AHCYL1: variants seen among roughly 807,000 people sequenced by gnomAD.
AHCYL1 encodes S-adenosylhomocysteine hydrolase-like protein 1.
A neutral mutation model predicts 79.3 loss-of-function variants in AHCYL1; 20 were observed. The ratio of observed to expected loss-of-function variants is 0.25; its 90% CI spans 0.18 to 0.37. The LOEUF is 0.37. Ranked by LOEUF, AHCYL1 falls within the 10% of genes least tolerant of loss-of-function variation. The probability of loss-of-function intolerance (pLI) is 1.00; values close to 1 mark genes in which losing one functional copy is unlikely to be tolerated. For missense variants in AHCYL1, 330 were observed against 673.6 expected (o/e 0.49, Z 5.65); for synonymous variants, 223 against 242.2 (o/e 0.92, Z 0.74).
Position 110,021,959 on chromosome 1 carries a change from G to A in AHCYL1, c.*279G>A, listed in dbSNP as rs1042479758. 1 of 398,666 alleles carries A rather than the reference G, an allele frequency of 2.5e-6. No individual in the cohort carries two copies. The highest frequency in any genetic ancestry group is 2.1e-5 in the African/African-American group (1 of 47,868). The allele number at this position is 398,666 out of a possible 1,614,324, so 24.7% of individuals were successfully genotyped here. A position where few individuals can be genotyped will look rare whatever the true frequency, so the allele number is the denominator to read the frequency against. ...GGTGATTCTTTCTTTACCATTTCTG[G>A]GGACTTTAGTCTTAATTAGGTACCT... is the stretch of plus-strand genomic sequence containing the variant. On this transcript the variant is annotated 3_prime_UTR_variant, in exon 17 of 17. Transcript: ENST00000369799.
At position 110,021,810 on chromosome 1, in the gene AHCYL1, C is replaced by A; in HGVS notation, c.*130C>A. On this transcript the variant is annotated 3_prime_UTR_variant, in exon 17 of 17. Transcript: ENST00000369799. ...TCCTATAATTTCATTCTTGTTTTTT[C>A]ATCTCATTATCCAAGTTCTGCAGAC... is the stretch of plus-strand genomic sequence containing the variant. 9.8e-7 allele frequency: 1 copy of A among 1,023,902 alleles called. No individual in the cohort carries two copies. The highest frequency in any genetic ancestry group is 1.4e-6 in the Non-Finnish European group (1 of 705,230). 63.4% of individuals were successfully genotyped at this position (1,023,902 alleles called of 1,614,324 possible).
chr1:110,015,647 A>G lies in AHCYL1; in HGVS notation c.782+116A>G. On this transcript the variant is annotated intron_variant, in intron 7 of 16. Transcript: ENST00000369799. ...ATAACTAAATGGGAATATCTTCATTAGATAAAATTTTGAGTTTTTACTTTT... is the reference window on the plus strand; with the variant it reads ...ATAACTAAATGGGAATATCTTCATTGGATAAAATTTTGAGTTTTTACTTTT... 4.5e-6 allele frequency: 3 copies of G among 664,736 alleles called. No homozygotes were observed. In the South Asian group the frequency reaches 6.4e-5, roughly 14 times the overall value. 41.2% of individuals were successfully genotyped at this position (664,736 alleles called of 1,614,324 possible).
intron 11 of AHCYL1, 48 bp from the exon 12 acceptor site, chr1:110,018,325 C>T: frequency 1.3e-6 from 2 of 1,582,714 alleles, no homozygotes; most frequent in South Asian, 1.1e-5. Context: ...CAGCCAGTAC[C>T]TTTGTTGCCC....
At chr1:110,018,989 G>C (rs1167601656) in intron 13 of AHCYL1, 62 bp from the exon 14 acceptor site, 1 of 1,527,956 alleles carries the variant, frequency 6.5e-7, no homozygotes, top group African/African-American at 1.4e-5. Context: ...GCTTTGGCTT[G>C]ACTTGTATGC....
At chr1:110,012,113 A>G (rs1651072419) in intron 3 of AHCYL1, among the ~76,000 whole-genome samples, 2 of 152,156 alleles carry the variant, frequency 1.3e-5, no homozygotes, top group Admixed American at 1.3e-4. Flanking sequence ...AGTTTTAAGG[A>G]TTTACTTCAT....
At chr1:110,017,800 G>A (rs763919814) in intron 10 of AHCYL1, 146 bp from the exon 11 acceptor site, 1 of 918,230 alleles carries the variant, frequency 1.1e-6, no homozygotes. Context: ...AGAGGCCAGT[G>A]TATATAGTTT....
At chr1:110,018,809 T>A (rs1651599084) in intron 13 of AHCYL1, 159 bp downstream of exon 13, 2 of 802,526 alleles carry the variant, frequency 2.5e-6, no homozygotes, top group South Asian at 3.6e-5. Flanking sequence ...AAAACCACTT[T>A]AAAAAAATCT....
At chr1:109,997,171 T>C (rs993156694) in intron 1 of AHCYL1, among the ~76,000 whole-genome samples, 7 of 152,224 alleles carry the variant, frequency 4.6e-5, no homozygotes, top group African/African-American at 1.7e-4. Context: ...GGGCTTCTGG[T>C]GCTCAATAGA....
chr1:110,004,453 T>C, intron 1 of AHCYL1: 1 of 985,408 alleles, frequency 1.0e-6, no homozygotes, highest in Non-Finnish European at 1.2e-6. Context: ...TGTTTTCTGG[T>C]GGGTGTGTCT....
intron 9 of AHCYL1, 144 bp downstream of exon 9, chr1:110,016,874 C>T: frequency 1.1e-6 from 1 of 873,758 alleles, no homozygotes. Context: ...TAGCAAAAGC[C>T]TTTTATTCAG....
chr1:109,992,055 C>A (rs1271254393), intron 1 of AHCYL1, among the ~76,000 whole-genome samples: 2 of 151,636 alleles, frequency 1.3e-5, no homozygotes, highest in East Asian at 3.9e-4. Context: ...TGACCTGTTT[C>A]CTTTGTGGTT....
Position 110,012,435 on chromosome 1 carries a change from C to A in AHCYL1, c.450C>A (p.Gly150=), listed in dbSNP as rs1651091987. 6.2e-7 allele frequency: 1 copy of A among 1,613,262 alleles called. No homozygotes were observed. ...CCTTGGCTGGTGCTAAAATAGTGGG[C>A]TGTACACACATCACAGCCCAGACAG... ...EKPLAGAKIV[G]CTHITAQTAV... is the part of the protein sequence containing the mutation. Residue 150 remains glycine, a synonymous_variant, in exon 4 of 17, where the codon GGC becomes GGA. Transcript: ENST00000369799.
intron 2 of AHCYL1, among the ~76,000 whole-genome samples, chr1:110,009,530 A>G (rs1237714343): frequency 6.6e-6 from 1 of 152,240 alleles, no homozygotes; most frequent in Non-Finnish European, 1.5e-5. Flanking sequence ...ATACCCTGTC[A>G]CCTATCTCTT....
At chr1:110,014,164 T>C (rs1651256277) in intron 5 of AHCYL1, among the ~76,000 whole-genome samples, 1 of 152,228 alleles carries the variant, frequency 6.6e-6, no homozygotes, top group Admixed American at 6.5e-5. Flanking sequence ...TTTTTTTGTT[T>C]ATTCTTTTCT....
intron 1 of AHCYL1, chr1:109,985,444 A>G (rs1649419019): frequency 1.1e-5 from 13 of 1,160,748 alleles, no homozygotes; most frequent in Non-Finnish European, 1.4e-5. Context: ...CTTTTCCTGG[A>G]TGAAGGGCCT....
chr1:110,013,145 G>A, intron 5 of AHCYL1, 146 bp downstream of exon 5: 4 of 572,536 alleles, frequency 7.0e-6, no homozygotes, highest in South Asian at 2.6e-5. Flanking sequence ...GGAAGAAAGT[G>A]GATAATAAAA....
intron 1 of AHCYL1, among the ~76,000 whole-genome samples, chr1:109,989,739 G>T (rs1649656338): frequency 6.6e-6 from 1 of 152,220 alleles, no homozygotes; most frequent in Non-Finnish European, 1.5e-5. Context: ...TTGGGAATGT[G>T]AGTATTGCAT....
chr1:110,017,317 G>T (rs1651482417), intron 9 of AHCYL1, among the ~76,000 whole-genome samples, 178 bp from the exon 10 acceptor site: 1 of 152,066 alleles, frequency 6.6e-6, no homozygotes. Flanking sequence ...TCTAACTGAG[G>T]TTCACAACGT....
At chr1:110,018,978 C>G in intron 13 of AHCYL1, 73 bp from the exon 14 acceptor site, 1 of 1,439,058 alleles carries the variant, frequency 6.9e-7, no homozygotes. Context: ...AGTCCTCTCC[C>G]GCTTTGGCTT....
Sources: gnomAD v4.1 joint callset for allele counts (sites outside exome capture counted in the v4.1 genomes callset) on GRCh38, gnomAD v4.1.1 for gene constraint, MANE v1.5 for transcripts, NCBI Gene and HGNC (gene_info 2026-07-23, HGNC 2026-07-21) for gene names.